Variants in HAS2 observed in about 807,000 individuals in gnomAD.
HAS2 encodes the protein HA synthase 2.
HAS2 carries 16 observed loss-of-function variants against 51.6 expected under a neutral mutation model. The observed-to-expected ratio is 0.31, with a 90% CI of 0.21 to 0.47. The LOEUF is 0.47. HAS2 is among the 20% of genes least tolerant of loss of function. The probability of loss-of-function intolerance (pLI) is 1.00; values close to 1 mark genes in which losing one functional copy is unlikely to be tolerated. For missense variants in HAS2, 361 were observed against 662.6 expected, an observed-to-expected ratio of 0.54 and a Z score of 5.00; for synonymous variants, 228 against 235.5, an observed-to-expected ratio of 0.97 and a Z score of 0.29.
rs571773338 is a variant in HAS2 at position 121,630,521 on chromosome 8, C to T, written c.1-1181G>A. Among the ~76,000 whole-genome samples, 4 of 152,108 alleles carry T rather than the reference C, an allele frequency of 2.6e-5. No individual in the cohort carries two copies. In the South Asian group the frequency reaches 8.3e-4, roughly 32 times the overall value. Reference sequence around the variant, plus strand: ...TCTTTCCTCCTGGAGTTTTATTTTCCTCCTCTTCCAAGGATGAACTATCAA... The same window carrying T: ...TCTTTCCTCCTGGAGTTTTATTTTCTTCCTCTTCCAAGGATGAACTATCAA... On this transcript the variant is annotated intron_variant, in intron 1 of 3. Transcript: ENST00000303924.
chr8:121,639,315 C>G (rs893354524), intron 1 of HAS2: 2 of 152,272 alleles, frequency 1.3e-5, no homozygotes, highest in African/African-American at 4.8e-5. Context: ...AGCCCAGACA[C>G]GTGGGTTGGA....
chr8:121,638,657 A>G (rs189895244), intron 1 of HAS2, among the ~76,000 whole-genome samples: 4 of 152,356 alleles, frequency 2.6e-5, no homozygotes, highest in East Asian at 3.9e-4. Flanking sequence ...CAGGTAACTT[A>G]AAGTGTTAAA....
chr8:121,637,936 A>G (rs1482040778), intron 1 of HAS2, among the ~76,000 whole-genome samples: 3 of 152,182 alleles, frequency 2.0e-5, no homozygotes, highest in African/African-American at 7.2e-5. Context: ...ACTTTAACTC[A>G]GGGATCACAC....
chr8:121,625,891 C>G (rs543542253), intron 2 of HAS2, among the ~76,000 whole-genome samples: 12 of 151,978 alleles, frequency 7.9e-5, no homozygotes, highest in African/African-American at 2.9e-4. Flanking sequence ...CTGAAAGTAC[C>G]CACCAGCATC....
chr8:121,628,590 A>G (rs749342292), intron 2 of HAS2, 124 bp downstream of exon 2: 1 of 868,564 alleles, frequency 1.2e-6, no homozygotes, highest in Non-Finnish European at 1.8e-6. Flanking sequence ...TGCTGTTTTC[A>G]AATGAACTGA....
chr8:121,614,598 GAGAA>G lies in HAS2; in HGVS notation c.1166_1169del (p.Phe389SerfsTer5). 2 of 1,613,810 alleles carry G rather than the reference GAGAA, an allele frequency of 1.2e-6. No homozygotes were observed. The highest frequency in any genetic ancestry group is 1.7e-6 in the Non-Finnish European group (2 of 1,179,668). On this transcript the variant is annotated frameshift_variant, in exon 4 of 4. Transcript: ENST00000303924. LOFTEE classifies it high-confidence loss of function. The surrounding 1 kb of genome is among the most constrained non-coding windows in gnomAD (Gnocchi z 7.2). ...AGAAGAGCTGGATTACTGTGGCAAT[GAGAA>G]AGAAAGGAAAGAATCCAGTGATAAT...
intron 3 of HAS2, 30 bp from the exon 4 acceptor site, chr8:121,615,068 A>T: frequency 2.6e-6 from 4 of 1,512,584 alleles, no homozygotes; most frequent in Middle Eastern, 1.8e-4. Flanking sequence ...AGTAATAGGT[A>T]AGCTTTAGCT....
intron 1 of HAS2, among the ~76,000 whole-genome samples, chr8:121,634,614 A>G (rs1198612689): frequency 6.6e-6 from 1 of 152,070 alleles, no homozygotes; most frequent in African/African-American, 2.4e-5. Flanking sequence ...TACATTTTTA[A>G]TAAATAAATA....
At position 121,629,213 on chromosome 8, in the gene HAS2, T is replaced by A; in HGVS notation, c.128A>T (p.Tyr43Phe). 6.2e-7 allele frequency: 1 copy of A among 1,614,094 alleles called. No individual in the cohort carries two copies. The change falls in exon 2 of 4, where the codon TAT (tyrosine) becomes TTT (phenylalanine). Residue 43 changes from tyrosine to phenylalanine, a missense_variant. Around this residue, in one of 5 missense-constraint regions of HAS2, gnomAD observed 145 missense variants for 217.6 expected, o/e 0.67. Transcript: ENST00000303924. ...GYQFIQTDNY[Y>F]FSFGLYGAFL... is the part of the protein sequence containing the mutation. ...GGCACCATACAGTCCAAAAGAGAAATAGTAATTATCCGTTTGGATAAACTG... is the reference window on the plus strand; with the variant it reads ...GGCACCATACAGTCCAAAAGAGAAAAAGTAATTATCCGTTTGGATAAACTG...
chr8:121,637,153 G>A (rs7015355), intron 1 of HAS2, among the ~76,000 whole-genome samples: 90,003 of 151,916 alleles, frequency 0.59, 28,244 homozygotes, highest in East Asian at 0.86. Flanking sequence ...ATCATATTTT[G>A]TCTTACAGTA....
Position 121,612,705 on chromosome 8 carries a change from A to G in HAS2, c.*1404T>C, listed in dbSNP as rs1401549386. 1 of 152,212 alleles carries G rather than the reference A, an allele frequency of 6.6e-6. No homozygotes were observed. Among genetic ancestry groups the G allele is most frequent in the East Asian group, 1.9e-4 (1 of 5,202 alleles). 9.4% of individuals were successfully genotyped at this position (152,212 alleles called of 1,614,324 possible). On this transcript the variant is annotated 3_prime_UTR_variant, in exon 4 of 4. Coordinates refer to ENST00000303924, the MANE Select transcript of HAS2 (RefSeq NM_005328.3). ...TCAACAATTTTTATATGTGCCAATC[A>G]TTGATATACTTATTAAACCTTGATG...
chr8:121,621,769 T>C (rs1413446597), intron 2 of HAS2, among the ~76,000 whole-genome samples: 1 of 152,178 alleles, frequency 6.6e-6, no homozygotes, highest in Non-Finnish European at 1.5e-5. Flanking sequence ...GAAATACTGT[T>C]ATCTATTCTA....
rs1378407201 is a variant in HAS2, at chr8:121,613,186, A to G, written c.*923T>C. The G allele has an allele frequency of 6.6e-6, 1 of 152,060 alleles. No homozygotes were observed. The highest frequency in any genetic ancestry group is 1.5e-5 in the Non-Finnish European group (1 of 68,002). The allele number at this position is 152,060 out of a possible 1,614,324, so 9.4% of individuals were successfully genotyped here. On this transcript the variant is annotated 3_prime_UTR_variant, in exon 4 of 4. Coordinates refer to ENST00000303924, the MANE Select transcript of HAS2 (RefSeq NM_005328.3). ...TGCCTACTGTTTTCTTTCAAAGACT[A>G]TCATTCCCTTTTTTTTAAATCTTAA...
intron 1 of HAS2, among the ~76,000 whole-genome samples, chr8:121,634,064 C>A (rs1052947372): frequency 4.6e-5 from 7 of 152,104 alleles, no homozygotes; most frequent in Non-Finnish European, 7.4e-5. Flanking sequence ...GCATGTGCCA[C>A]CACGCCTGGC....
chr8:121,615,095 C>T (rs1055116900), intron 3 of HAS2, 57 bp from the exon 4 acceptor site: 1 of 1,194,806 alleles, frequency 8.4e-7, no homozygotes, highest in African/African-American at 1.5e-5. Context: ...TCCAGCAAAA[C>T]CTGTTCCATC....
At position 121,629,308 on chromosome 8, in the gene HAS2, T is replaced by C; in HGVS notation, c.33A>G (p.Arg11=). 1 of 1,611,166 alleles carries C rather than the reference T, an allele frequency of 6.2e-7. No homozygotes were observed. Among genetic ancestry groups the C allele is most frequent in the Non-Finnish European group, 8.5e-7 (1 of 1,177,750 alleles). Residue 11 remains arginine (R), a synonymous_variant, in exon 2 of 4, where the codon AGA becomes AGG. Coordinates refer to ENST00000303924, the MANE Select transcript of HAS2 (RefSeq NM_005328.3). ...CTCCAAAGAGTGTGGTTCCAATTAT[T>C]CTCAGGATACATAGAAACCTCTCAC... MHCERFLCIL[R]IIGTTLFGVS...
rs970899798 is a variant in HAS2, at chr8:121,613,189, A to G, written c.*920T>C. The G allele has an allele frequency of 3.3e-5, 5 of 151,834 alleles. No individual in the cohort carries two copies. The highest frequency in any genetic ancestry group is 1.2e-4 in the African/African-American group (5 of 41,346). The allele number at this position is 151,834 out of a possible 1,614,324, so 9.4% of individuals were successfully genotyped here. A position where few individuals can be genotyped will look rare whatever the true frequency, so the allele number is the denominator to read the frequency against. On this transcript the variant is annotated 3_prime_UTR_variant, in exon 4 of 4. Transcript: ENST00000303924. Reference sequence around the variant, plus strand: ...CTACTGTTTTCTTTCAAAGACTATCATTCCCTTTTTTTTAAATCTTAATGA... The same window carrying G: ...CTACTGTTTTCTTTCAAAGACTATCGTTCCCTTTTTTTTAAATCTTAATGA...
chr8:121,624,328 A>G (rs994733070), intron 2 of HAS2, among the ~76,000 whole-genome samples: 3 of 152,228 alleles, frequency 2.0e-5, no homozygotes, highest in Non-Finnish European at 4.4e-5. Flanking sequence ...TGTTTACAGT[A>G]TAAAAGCTGA....
At chr8:121,630,282 G>A (rs1482533098) in intron 1 of HAS2, among the ~76,000 whole-genome samples, 1 of 152,156 alleles carries the variant, frequency 6.6e-6, no homozygotes, top group Non-Finnish European at 1.5e-5. Context: ...AAAAGCCATA[G>A]CACATTAGAC....
Sources: allele counts gnomAD v4.1 joint callset (sites outside exome capture counted in the v4.1 genomes callset), GRCh38; gene constraint gnomAD v4.1.1; regional missense constraint gnomAD v4.1.1; non-coding constraint Gnocchi (gnomAD v3.1); transcripts MANE v1.5; gene names NCBI Gene and HGNC (gene_info 2026-07-23, HGNC 2026-07-21).